The following RCL1 variants were observed in gnomAD, a reference collection of about 807,000 sequenced individuals.
RCL1 encodes RNA 3'-terminal phosphate cyclase-like protein.
In RCL1, 24 loss-of-function variants were observed where a neutral mutation model predicts 42.4. The ratio of observed to expected loss-of-function variants is 0.57; its 90% confidence interval spans 0.41 to 0.80. The LOEUF (loss-of-function observed/expected upper bound fraction) is 0.80. Ranked by LOEUF, RCL1 falls within the 30% of genes least tolerant of loss-of-function variation. RCL1 has a pLI of 0.00. For synonymous variants in RCL1, 228 were observed against 177.3 expected (o/e 1.29, Z -2.27); for missense variants, 578 against 467.9 (o/e 1.24, Z -2.17).
At chr9:4,793,363 C>T (rs946678825) in intron 1 of RCL1, 136 bp downstream of exon 1, 3 of 1,019,188 alleles carry the variant, frequency 2.9e-6, no homozygotes, top group East Asian at 3.3e-5. Flanking sequence ...GGTGGCGCGT[C>T]GCCTCCAAAG....
chr9:4,849,012 G>T (rs1291014765), intron 7 of RCL1, among the ~76,000 whole-genome samples: 1 of 151,894 alleles, frequency 6.6e-6, no homozygotes, highest in Non-Finnish European at 1.5e-5. Flanking sequence ...AGACTGTGTT[G>T]TTCTGTGACA....
intron 5 of RCL1, among the ~76,000 whole-genome samples, chr9:4,835,521 C>T (rs73639228): frequency 0.068 from 10,394 of 152,006 alleles, 1,150 homozygotes; most frequent in African/African-American, 0.23. Flanking sequence ...CTTTACAGAA[C>T]CTTGACAGGA....
chr9:4,830,886 A>T (rs1194831729), intron 3 of RCL1, among the ~76,000 whole-genome samples: 2 of 152,050 alleles, frequency 1.3e-5, no homozygotes, highest in African/African-American at 4.8e-5. Flanking sequence ...GCTGCCACTT[A>T]GGGTTTGATC....
intron 8 of RCL1, 82 bp from the exon 9 acceptor site, chr9:4,860,043 A>G: frequency 2.0e-6 from 2 of 985,306 alleles, no homozygotes; most frequent in Non-Finnish European, 2.9e-6. Flanking sequence ...GGAGATTAAA[A>G]CCTTGGATTC....
chr9:4,836,458 T>TACA (rs1817134931), intron 5 of RCL1, among the ~76,000 whole-genome samples: 2 of 152,146 alleles, frequency 1.3e-5, no homozygotes, highest in African/African-American at 4.8e-5. Context: ...ATGTACTGTG[T>TACA]AGGACAAGAG....
chr9:4,809,989 G>C (rs532648431), intron 1 of RCL1, among the ~76,000 whole-genome samples: 1 of 151,890 alleles, frequency 6.6e-6, no homozygotes, highest in African/African-American at 2.4e-5. Context: ...GCTAATTTTT[G>C]TATTTTTGGT....
intron 1 of RCL1, among the ~76,000 whole-genome samples, chr9:4,817,553 A>C (rs1047741414): frequency 1.3e-5 from 2 of 150,480 alleles, no homozygotes; most frequent in Non-Finnish European, 2.9e-5. Context: ...GGCTCACTTC[A>C]GCCTCAACCT....
Position 4,860,838 on chromosome 9 carries a change from G to C in RCL1, c.*563G>C, listed in dbSNP as rs1413005110. On this transcript the variant is annotated 3_prime_UTR_variant, in exon 9 of 9. Coordinates refer to ENST00000381750, the MANE Select transcript of RCL1 (RefSeq NM_005772.5). ...TGAATGGATTGCTGTCATGGACACG[G>C]ACACGGATCTTCATCTGGTTCATTG... The C allele has an allele frequency of 6.6e-6, 1 of 152,260 alleles. No individual in the cohort carries two copies. Among genetic ancestry groups the C allele is most frequent in the East Asian group, 1.9e-4 (1 of 5,198 alleles). The allele number at this position is 152,260 out of a possible 1,614,324, so 9.4% of individuals were successfully genotyped here.
chr9:4,850,173 C>A, intron 8 of RCL1: 1 of 399,666 alleles, frequency 2.5e-6, no homozygotes, highest in Non-Finnish European at 5.7e-6. Flanking sequence ...GGAAAACAGC[C>A]TATTTGAGTA....
intron 1 of RCL1, among the ~76,000 whole-genome samples, chr9:4,798,368 C>T (rs73641878): frequency 0.076 from 11,634 of 152,202 alleles, 899 homozygotes; most frequent in African/African-American, 0.2. Context: ...AGAGCAGTGA[C>T]ATAGGAGTCA....
chr9:4,828,016 C>G (rs993733674), intron 3 of RCL1, among the ~76,000 whole-genome samples: 5 of 152,000 alleles, frequency 3.3e-5, no homozygotes, highest in Non-Finnish European at 7.4e-5. Flanking sequence ...GAAACCCCGT[C>G]TCTACTAAAA....
intron 1 of RCL1, among the ~76,000 whole-genome samples, chr9:4,816,044 G>C (rs181772368): frequency 5.3e-5 from 8 of 152,266 alleles, no homozygotes; most frequent in Non-Finnish European, 1.0e-4. Flanking sequence ...AGTTATTTGT[G>C]TTAAAGTCTA....
intron 8 of RCL1, among the ~76,000 whole-genome samples, chr9:4,851,198 C>G (rs1230470772): frequency 1.3e-5 from 2 of 152,114 alleles, no homozygotes; most frequent in Admixed American, 1.3e-4. Flanking sequence ...TTCCAGAAAA[C>G]TTGCATAAAA....
chr9:4,844,423 CAG>C, intron 6 of RCL1, 100 bp from the exon 7 acceptor site: 1 of 847,176 alleles, frequency 1.2e-6, no homozygotes, highest in Non-Finnish European at 1.9e-6. Context: ...CCTTTGAACA[CAG>C]TGCCGTCAAA....
chr9:4,798,435 T>G (rs1401947202), intron 1 of RCL1, among the ~76,000 whole-genome samples: 1 of 152,250 alleles, frequency 6.6e-6, no homozygotes, highest in Non-Finnish European at 1.5e-5. Context: ...TAAGCCTTAG[T>G]GTCTTCCCCT....
At position 4,828,152 on chromosome 9, in the gene RCL1, C is replaced by T. The variant is rs78660397; in HGVS notation, c.384+1119C>T. On this transcript the variant is annotated intron_variant, in intron 3 of 8. Transcript: ENST00000381750. ...AGTGAGCCGAGATCGGGCAACAGAG[C>T]GAGACTCCGTCTCAAAAAAAAAAAA... 4.2e-4 allele frequency among the ~76,000 whole-genome samples: 55 copies of T among 130,798 alleles called. No homozygotes were observed. The East Asian group carries it at 7.1e-3, about 17-fold the overall frequency. 85.8% of individuals were successfully genotyped at this position (130,798 alleles called of 152,430 possible).
At chr9:4,859,832 C>A (rs1818100168) in intron 8 of RCL1, among the ~76,000 whole-genome samples, 1 of 152,132 alleles carries the variant, frequency 6.6e-6, no homozygotes, top group Non-Finnish European at 1.5e-5. Flanking sequence ...TATTTCTGTC[C>A]ATTTTCTGCT....
intron 1 of RCL1, among the ~76,000 whole-genome samples, chr9:4,818,649 G>C (rs565156781): frequency 1.3e-5 from 2 of 152,262 alleles, no homozygotes; most frequent in South Asian, 2.1e-4. Context: ...TTGGGAGGCT[G>C]AGGCAGGCGG....
chr9:4,821,022 G>C (rs1042947630), intron 1 of RCL1, among the ~76,000 whole-genome samples: 26 of 152,034 alleles, frequency 1.7e-4, no homozygotes, highest in African/African-American at 5.3e-4. Flanking sequence ...GATCCTTCAA[G>C]AGATCAGTGC....
Sources: allele counts gnomAD v4.1 joint callset (sites outside exome capture counted in the v4.1 genomes callset), GRCh38; gene constraint gnomAD v4.1.1; transcripts MANE v1.5; gene names NCBI Gene and HGNC (gene_info 2026-07-23, HGNC 2026-07-21).